The following ABCA4 variants were observed in gnomAD, a reference collection of about 807,000 sequenced individuals.
The protein encoded by ABCA4 is ATP binding cassette subfamily A member 4, also known as retinal-specific phospholipid-transporting ATPase ABCA4.
Under a neutral mutation model 263.7 loss-of-function variants are expected in ABCA4, and 196 were observed. The observed-to-expected ratio is 0.74, with a 90% CI of 0.66 to 0.84. The LOEUF is 0.84. Ranked by LOEUF, ABCA4 falls within the 40% of genes least tolerant of loss-of-function variation. The pLI is 0.00. For synonymous variants in ABCA4, 1,133 were observed against 1,094.2 expected (o/e 1.04, Z -0.70); for missense variants, 2,792 against 2,855.1 (o/e 0.98, Z 0.50).
chr1:94,001,946 T>C lies in ABCA4; in HGVS notation c.6194A>G (p.Asp2065Gly). Residue 2065 changes from aspartate to glycine, a missense_variant, in exon 45 of 50, where the codon GAC (aspartate) becomes GGC (glycine). Physicochemically the swap from Asp to Gly is moderately conservative, Grantham distance 94. Transcript: ENST00000370225. ...CCCACTGTACGTGCCAGCCAGGCAG[T>C]CGGCGTAGACAGTCAGGCCCAGGCT... is the stretch of plus-strand genomic sequence containing the variant. Reference protein sequence around the residue: ...IKSLGLTVYADCLAGTYSGGN... With the variant: ...IKSLGLTVYAGCLAGTYSGGN... 6.2e-7 allele frequency: 1 copy of C among 1,614,144 alleles called. No individual in the cohort carries two copies. The highest frequency in any genetic ancestry group is 8.5e-7 in the Non-Finnish European group (1 of 1,180,016).
chr1:94,043,435 T>C lies in ABCA4; in HGVS notation c.3091A>G (p.Lys1031Glu), dbSNP rs61750060. Reference protein sequence around the residue: ...AEHMLFYAQLKGKSQEEAQLE... With the variant: ...AEHMLFYAQLEGKSQEEAQLE... ...TGGGCCTCCTCCTGGGACTTTCCTT[T>C]CAGCTGGGCATAGAACAGCATGTGC... Residue 1031 changes from lysine (K) to glutamate (E), a missense_variant, in exon 21 of 50, where the codon AAA (lysine) becomes GAA (glutamate). By Grantham distance (56) the Lys-to-Glu change is moderately conservative. Coordinates refer to ENST00000370225, the MANE Select transcript of ABCA4 (RefSeq NM_000350.3). 6.2e-7 allele frequency: 1 copy of C among 1,614,154 alleles called. No homozygotes were observed. Among genetic ancestry groups the C allele is most frequent in the Non-Finnish European group, 8.5e-7 (1 of 1,180,032 alleles).
intron 38 of ABCA4, among the ~76,000 whole-genome samples, chr1:94,012,166 T>TC (rs1659566600): frequency 1.3e-5 from 2 of 151,964 alleles, no homozygotes; most frequent in South Asian, 4.1e-4. Flanking sequence ...TCCCACAACC[T>TC]CCTCCCTCTC....
chr1:94,015,834 A>G lies in ABCA4; in HGVS notation c.5217T>C (p.Ala1739=), dbSNP rs762781948. Residue 1739 remains alanine, a synonymous_variant, in exon 37 of 50, where the codon GCT becomes GCC. Transcript: ENST00000370225. ...LWDIMNYSVS[A]GLVVGIFIGF... ...CGATGAAGATGCCCACCACCAGCCC[A>G]GCACTCACGGAATAATTCATCTCGG... is the stretch of plus-strand genomic sequence containing the variant. 1 of 1,613,916 alleles carries G rather than the reference A, an allele frequency of 6.2e-7. No individual in the cohort carries two copies. The highest frequency in any genetic ancestry group is 1.1e-5 in the South Asian group (1 of 90,924).
At position 94,021,896 on chromosome 1, in the gene ABCA4, C is replaced by G. The variant is rs768843191; in HGVS notation, c.4723G>C (p.Ala1575Pro). The change falls in exon 33 of 50, where the codon GCA becomes CCA. Residue 1575 changes from alanine (A) to proline (P), a missense_variant. By Grantham distance (27) the Ala-to-Pro change is conservative (BLOSUM62 -1). Transcript: ENST00000370225. ...KLPVVPITGE[A>P]LVGFLSDLGR... ...AGGTCGCTTAAAAACCCAACAAGTGCTTCCCCCGTGATGGGGACGACTGGG... is the reference window on the plus strand; with the variant it reads ...AGGTCGCTTAAAAACCCAACAAGTGGTTCCCCCGTGATGGGGACGACTGGG... The G allele has an allele frequency of 6.2e-7, 1 of 1,614,204 alleles. No individual in the cohort carries two copies. Among genetic ancestry groups the G allele is most frequent in the South Asian group, 1.1e-5 (1 of 91,082 alleles).
At position 94,019,480 on chromosome 1, in the gene ABCA4, C is replaced by T; in HGVS notation, c.5196+102G>A. ...GCCCAGTGCCTTTCAGCAGCCCTGGCACCGTGAGAACCCCTCCCCTCTTGG... is the reference window on the plus strand; with the variant it reads ...GCCCAGTGCCTTTCAGCAGCCCTGGTACCGTGAGAACCCCTCCCCTCTTGG... On this transcript the variant is annotated intron_variant, in intron 36 of 49. Transcript: ENST00000370225. 6.7e-6 allele frequency: 9 copies of T among 1,347,862 alleles called. No individual in the cohort carries two copies. The South Asian group carries it at 1.1e-4, about 17-fold the overall frequency. The allele number at this position is 1,347,862 out of a possible 1,614,324, so 83.5% of individuals were successfully genotyped here.
chr1:94,036,944 T>C (rs1318399660), intron 25 of ABCA4, among the ~76,000 whole-genome samples, 156 bp from the exon 26 acceptor site: 1 of 152,228 alleles, frequency 6.6e-6, no homozygotes, highest in Non-Finnish European at 1.5e-5. Context: ...TACAAAAACG[T>C]AAGCACACAG....
intron 38 of ABCA4, 36 bp downstream of exon 38, chr1:94,014,507 C>T (rs1446780341): frequency 1.2e-6 from 2 of 1,611,366 alleles, no homozygotes; most frequent in South Asian, 2.2e-5. Context: ...TACTATCCTA[C>T]TAATCAAACA....
intron 6 of ABCA4, among the ~76,000 whole-genome samples, chr1:94,092,160 G>A (rs1661985843): frequency 6.6e-6 from 1 of 152,194 alleles, no homozygotes; most frequent in African/African-American, 2.4e-5. Flanking sequence ...TAACACAAGG[G>A]TAAATAAGTA....
At position 93,993,138 on chromosome 1, in the gene ABCA4, C is replaced by T. The variant is rs1483106188; in HGVS notation, c.*99G>A. On this transcript the variant is annotated 3_prime_UTR_variant, in exon 50 of 50. Coordinates refer to ENST00000370225, the MANE Select transcript of ABCA4 (RefSeq NM_000350.3). Reference sequence around the variant, plus strand: ...TTTTCTGCTGCAGTGGGGTCATTTACGCTGGCCAGTCCATTTGGATGACCA... The same window carrying T: ...TTTTCTGCTGCAGTGGGGTCATTTATGCTGGCCAGTCCATTTGGATGACCA... The T allele has an allele frequency of 9.2e-6, 14 of 1,514,738 alleles. No homozygotes were observed. The highest frequency in any genetic ancestry group is 2.0e-4 in the Middle Eastern group (1 of 5,056). The allele number at this position is 1,514,738 out of a possible 1,614,324, so 93.8% of individuals were successfully genotyped here. A position where few individuals can be genotyped will look rare whatever the true frequency, so the allele number is the denominator to read the frequency against.
rs372950593 is a variant in ABCA4, at chr1:94,031,997, G to A, written c.3909C>T (p.Cys1303=). 4 of 1,613,908 alleles carry A rather than the reference G, an allele frequency of 2.5e-6. No homozygotes were observed. In the African/African-American group the frequency reaches 5.3e-5, roughly 22 times the overall value. ...GTCCAGCCTTCTCTCTGGGACCCAA[G>A]CAGGGGTGTCGGGGGTTGACGTTTT... ...KRENVNPRHP[C]LGPREKAGQT... The change falls in exon 27 of 50, where the codon TGC becomes TGT. Residue 1303 remains cysteine (C), a synonymous_variant. Coordinates refer to ENST00000370225, the MANE Select transcript of ABCA4 (RefSeq NM_000350.3).
chr1:94,012,108 T>C (rs1034068795), intron 38 of ABCA4, among the ~76,000 whole-genome samples: 1 of 152,202 alleles, frequency 6.6e-6, no homozygotes, highest in Non-Finnish European at 1.5e-5. Flanking sequence ...GAGGCCAGCA[T>C]AGCTCCTGGC....
At chr1:94,037,104 T>C (rs1660359794) in intron 25 of ABCA4, 41 bp downstream of exon 25, 2 of 1,601,572 alleles carry the variant, frequency 1.2e-6, no homozygotes, top group Admixed American at 1.7e-5. Flanking sequence ...GAACCGCCAC[T>C]TCTGGCACTT....
At chr1:94,025,911 T>C (rs927935692) in intron 30 of ABCA4, among the ~76,000 whole-genome samples, 3 of 152,208 alleles carry the variant, frequency 2.0e-5, no homozygotes, top group African/African-American at 7.2e-5. Context: ...GGCATACAGA[T>C]GACACAGTTG....
intron 6 of ABCA4, among the ~76,000 whole-genome samples, chr1:94,085,546 C>A (rs1661805780): frequency 6.6e-6 from 1 of 152,276 alleles, no homozygotes; most frequent in South Asian, 2.1e-4. Flanking sequence ...TCTTGCCAGT[C>A]CCCTTGCCTC....
intron 40 of ABCA4, 142 bp downstream of exon 40, chr1:94,010,658 A>C: frequency 8.3e-7 from 1 of 1,207,786 alleles, no homozygotes; most frequent in Non-Finnish European, 1.2e-6. Context: ...TACTTGTATT[A>C]TTGGAGAAAA....
At chr1:94,051,506 G>A in intron 17 of ABCA4, 127 bp downstream of exon 17, 1 of 845,964 alleles carries the variant, frequency 1.2e-6, no homozygotes, top group Non-Finnish European at 2.0e-6. Flanking sequence ...CAGAGCCCCA[G>A]GAGGCAGCTG....
Position 94,008,763 on chromosome 1 carries a change from AT to A in ABCA4, c.5822del (p.His1941LeufsTer3), listed in dbSNP as rs1659465707. On this transcript the variant is annotated frameshift_variant, in exon 41 of 50. Coordinates refer to ENST00000370225, the MANE Select transcript of ABCA4 (RefSeq NM_000350.3). LOFTEE classifies it high-confidence loss of function. The stretch of plus-strand genomic sequence containing the variant: ...CCCATTCCCTTACCTTGGTTAGTTC[AT>A]GTAGCCTTAAGATGTCAGTTTTATT... ...GGNKTDILRL[H>X]ELTKIYPGTS... The A allele has an allele frequency of 6.2e-7, 1 of 1,613,970 alleles. No individual in the cohort carries two copies. The highest frequency in any genetic ancestry group is 1.7e-5 in the Admixed American group (1 of 60,000).
chr1:94,031,512 T>G (rs532562192), intron 27 of ABCA4, among the ~76,000 whole-genome samples: 1 of 152,232 alleles, frequency 6.6e-6, no homozygotes, highest in South Asian at 2.1e-4. Flanking sequence ...AAACATGACT[T>G]TATCCCTCAC....
intron 19 of ABCA4, chr1:94,045,935 T>A (rs1660660143): frequency 2.2e-6 from 1 of 455,882 alleles, no homozygotes; most frequent in African/African-American, 2.0e-5. Flanking sequence ...GGCGCTCGGG[T>A]CCCTTGGAGG....
Sources: gnomAD v4.1 joint callset for allele counts (sites outside exome capture counted in the v4.1 genomes callset) on GRCh38, gnomAD v4.1.1 for gene constraint, MANE v1.5 for transcripts, NCBI Gene and HGNC (gene_info 2026-07-23, HGNC 2026-07-21) for gene names.